ARHGAP15: variants seen among roughly 807,000 people sequenced by gnomAD.
The protein encoded by ARHGAP15 is rho GTPase-activating protein 15.
ARHGAP15 carries 51 observed loss-of-function variants against 63.7 expected under a neutral mutation model. The observed-to-expected ratio is 0.80, with a 90% CI of 0.64 to 1.01. ARHGAP15 has a LOEUF of 1.01. Ranked by LOEUF, ARHGAP15 falls within the 50% of genes least tolerant of loss-of-function variation. The pLI is 0.00. For missense variants in ARHGAP15, 560 were observed against 564.6 expected (o/e 0.99, Z 0.08); for synonymous variants, 191 against 193.8 (o/e 0.99, Z 0.12).
At chr2:143,186,034 G>A (rs1426210433) in intron 2 of ARHGAP15, among the ~76,000 whole-genome samples, 1 of 152,082 alleles carries the variant, frequency 6.6e-6, no homozygotes, top group Non-Finnish European at 1.5e-5. Context: ...TTACCATTAA[G>A]CTTCTGTTGA....
intron 6 of ARHGAP15, among the ~76,000 whole-genome samples, chr2:143,321,293 T>C (rs1054832851): frequency 1.3e-5 from 2 of 152,210 alleles, no homozygotes; most frequent in Non-Finnish European, 2.9e-5. Context: ...ACCTTTTATA[T>C]TGCAAGTGAC....
At position 143,462,891 on chromosome 2, in the gene ARHGAP15, A is replaced by G. The variant is rs184726387; in HGVS notation, c.704-24482A>G. Among the ~76,000 whole-genome samples, 52 of 152,254 alleles carry G rather than the reference A, an allele frequency of 3.4e-4. No homozygotes were observed. The Middle Eastern group carries it at 0.014, about 40-fold the overall frequency. On this transcript the variant is annotated intron_variant, in intron 8 of 13. Coordinates refer to ENST00000295095, the MANE Select transcript of ARHGAP15 (RefSeq NM_018460.4). ...GAAGTTCATAAAGAAACAGTTAGAA[A>G]GGGAAGACACAAAGTAGGCTGGAAC...
At chr2:143,674,812 T>C (rs1455323039) in intron 12 of ARHGAP15, among the ~76,000 whole-genome samples, 1 of 152,208 alleles carries the variant, frequency 6.6e-6, no homozygotes, top group East Asian at 1.9e-4. Context: ...GAGACTTCAG[T>C]GAGTCATAAT....
chr2:143,218,740 C>T (rs1187747714), intron 4 of ARHGAP15, among the ~76,000 whole-genome samples: 2 of 152,186 alleles, frequency 1.3e-5, no homozygotes, highest in African/African-American at 4.8e-5. Flanking sequence ...ATGTGAGCAT[C>T]ATAGAGTATA....
At chr2:143,470,966 TGTGTACATACACAC>T (rs1691514159) in intron 8 of ARHGAP15, among the ~76,000 whole-genome samples, 1 of 147,904 alleles carries the variant, frequency 6.8e-6, no homozygotes, top group African/African-American at 2.5e-5. Context: ...GTATCATATG[TGTGTACATACACAC>T]GTGTATCATA....
At chr2:143,685,307 G>C (rs534382812) in intron 12 of ARHGAP15, among the ~76,000 whole-genome samples, 1 of 152,282 alleles carries the variant, frequency 6.6e-6, no homozygotes, top group East Asian at 1.9e-4. Context: ...GCACTGCCTG[G>C]AAAGTCCAAG....
chr2:143,184,958 C>T lies in ARHGAP15; in HGVS notation c.166-17176C>T, dbSNP rs2105077147. ...TTGGTTTCCCAAAGTGTTGGGAATA[C>T]AGGCTCAGCCAACACAGTATTTAAC... is the stretch of plus-strand genomic sequence containing the variant. On this transcript the variant is annotated intron_variant, in intron 2 of 13. Coordinates refer to ENST00000295095, the MANE Select transcript of ARHGAP15 (RefSeq NM_018460.4). 1.3e-5 allele frequency among the ~76,000 whole-genome samples: 2 copies of T among 151,794 alleles called. 1 individual carries two copies.
chr2:143,688,873 C>T (rs1323702238), intron 12 of ARHGAP15, among the ~76,000 whole-genome samples: 1 of 152,092 alleles, frequency 6.6e-6, no homozygotes, highest in Non-Finnish European at 1.5e-5. Context: ...TAGAATGATG[C>T]TCTATCCTTG....
intron 13 of ARHGAP15, among the ~76,000 whole-genome samples, chr2:143,739,378 G>T (rs1685875540): frequency 6.6e-6 from 1 of 152,016 alleles, no homozygotes; most frequent in Non-Finnish European, 1.5e-5. Context: ...GGGAAAACTG[G>T]CCACATACAG....
intron 5 of ARHGAP15, among the ~76,000 whole-genome samples, chr2:143,242,018 CTTCCCATTTCCTGCACTT>C (rs1234997751): frequency 2.0e-5 from 3 of 152,206 alleles, no homozygotes; most frequent in African/African-American, 7.2e-5. Flanking sequence ...TCCCATATTT[CTTCCCATTTCCTGCACTT>C]TTCCCATTTC....
In ARHGAP15 at chr2:143,704,831, T is replaced by C. The variant is rs140405479; in HGVS notation, c.1244+1307T>C. ...CAGATTATTCAACTAATCTATTACA[T>C]GATTTTTCATTGTGAATGTAATACA... is the stretch of plus-strand genomic sequence containing the variant. On this transcript the variant is annotated intron_variant, in intron 13 of 13. Coordinates refer to ENST00000295095, the MANE Select transcript of ARHGAP15 (RefSeq NM_018460.4). Among the ~76,000 whole-genome samples the C allele has an allele frequency of 5.4e-3, 827 of 152,318 alleles. 5 individuals are homozygous for C. The highest frequency in any genetic ancestry group is 0.019 in the African/African-American group (779 of 41,574).
At chr2:143,388,464 G>T (rs754344573) in intron 6 of ARHGAP15, among the ~76,000 whole-genome samples, 5 of 152,200 alleles carry the variant, frequency 3.3e-5, no homozygotes, top group African/African-American at 4.8e-5. Flanking sequence ...ATACACTACA[G>T]ATGGGTTTAT....
chr2:143,152,442 C>T (rs1230243173), intron 1 of ARHGAP15, among the ~76,000 whole-genome samples: 2 of 151,956 alleles, frequency 1.3e-5, no homozygotes, highest in Non-Finnish European at 2.9e-5. Context: ...AGTTTAATGC[C>T]ATTGCTCCTC....
intron 8 of ARHGAP15, among the ~76,000 whole-genome samples, chr2:143,469,135 C>T (rs1211538435): frequency 6.6e-6 from 1 of 152,108 alleles, no homozygotes; most frequent in East Asian, 1.9e-4. Context: ...ATAACTGTCT[C>T]AAGCACAGAC....
chr2:143,462,851 T>C (rs1691019091), intron 8 of ARHGAP15, among the ~76,000 whole-genome samples: 1 of 152,072 alleles, frequency 6.6e-6, no homozygotes, highest in African/African-American at 2.4e-5. Context: ...TTGCAGGAGC[T>C]TGCTATGCAA....
chr2:143,648,390 T>C (rs375732210), intron 12 of ARHGAP15, among the ~76,000 whole-genome samples: 4 of 152,034 alleles, frequency 2.6e-5, no homozygotes, highest in African/African-American at 4.8e-5. Context: ...GCCTACAGGG[T>C]AATTCAGATT....
chr2:143,444,139 A>G (rs1690024970), intron 8 of ARHGAP15, among the ~76,000 whole-genome samples: 1 of 152,186 alleles, frequency 6.6e-6, no homozygotes, highest in African/African-American at 2.4e-5. Context: ...CACCATGAGC[A>G]TATTTCCCCT....
intron 2 of ARHGAP15, among the ~76,000 whole-genome samples, chr2:143,190,786 A>C (rs35713119): frequency 0.17 from 25,723 of 152,076 alleles, 2,361 homozygotes; most frequent in Middle Eastern, 0.24. Context: ...ACTTCTTTGT[A>C]ATTAATACCT....
chr2:143,179,118 G>A (rs146029602), intron 2 of ARHGAP15, among the ~76,000 whole-genome samples: 1 of 152,234 alleles, frequency 6.6e-6, no homozygotes, highest in East Asian at 1.9e-4. Flanking sequence ...ATCATTAGAG[G>A]GCTTTTTAAA....
Sources: gnomAD v4.1 joint callset for allele counts (sites outside exome capture counted in the v4.1 genomes callset) on GRCh38, gnomAD v4.1.1 for gene constraint, MANE v1.5 for transcripts, NCBI Gene and HGNC (gene_info 2026-07-23, HGNC 2026-07-21) for gene names.